SLC6A11: variants seen among roughly 807,000 people sequenced by gnomAD.
The protein encoded by SLC6A11 is sodium- and chloride-dependent GABA transporter 3.
In SLC6A11, 25 loss-of-function variants were observed where a neutral mutation model predicts 74.8. That is an observed-to-expected ratio of 0.33 (90% CI 0.24 to 0.47). The LOEUF is 0.47. Ranked by LOEUF, SLC6A11 falls within the 20% of genes least tolerant of loss-of-function variation. The pLI, the probability that SLC6A11 is intolerant of heterozygous loss-of-function variation, is 1.00. For missense variants in SLC6A11, 574 were observed against 837.0 expected (o/e 0.69, Z 3.88); for synonymous variants, 330 against 330.2 (o/e 1.00, Z 0.01).
intron 4 of SLC6A11, among the ~76,000 whole-genome samples, chr3:10,832,918 A>T (rs1380085493): frequency 6.6e-6 from 1 of 152,186 alleles, no homozygotes; most frequent in Admixed American, 6.5e-5. Flanking sequence ...TGGGTTTCCA[A>T]GCTGCTGAAG....
rs138219638 is a variant in SLC6A11, at chr3:10,847,659, C to T, written c.756+3313C>T. On this transcript the variant is annotated intron_variant, in intron 5 of 13. Coordinates refer to ENST00000254488, the MANE Select transcript of SLC6A11 (RefSeq NM_014229.3). ...GAGAGCCTGGTCCCCAGTTTCCCAGCTCGTTATTAATGATGAGGTTCTGTG... is the reference window on the plus strand; with the variant it reads ...GAGAGCCTGGTCCCCAGTTTCCCAGTTCGTTATTAATGATGAGGTTCTGTG... Among the ~76,000 whole-genome samples, 175 of 152,250 alleles carry T rather than the reference C, an allele frequency of 1.1e-3. 1 individual carries two copies. Among genetic ancestry groups the T allele is most frequent in the African/African-American group, 4.1e-3 (170 of 41,546 alleles).
intron 6 of SLC6A11, among the ~76,000 whole-genome samples, chr3:10,902,623 A>G (rs535622048): frequency 2.8e-4 from 43 of 152,350 alleles, no homozygotes; most frequent in Admixed American, 1.4e-3. Context: ...AGGGTTGCAT[A>G]GCAGTAAGCG....
intron 4 of SLC6A11, among the ~76,000 whole-genome samples, chr3:10,830,573 C>G (rs1231134050): frequency 1.3e-5 from 2 of 152,070 alleles, no homozygotes; most frequent in African/African-American, 4.8e-5. Context: ...AAAAAGTCAG[C>G]AGGTTTAGGG....
chr3:10,853,098 G>A (rs770127870), intron 5 of SLC6A11, among the ~76,000 whole-genome samples: 66 of 152,186 alleles, frequency 4.3e-4, no homozygotes, highest in Non-Finnish European at 9.0e-4. Flanking sequence ...TGGCAGTGGA[G>A]TGTCGTTACT....
Position 10,819,397 on chromosome 3 carries a change from A to G in SLC6A11, c.257-68A>G. The G allele has an allele frequency of 6.1e-6, 9 of 1,484,412 alleles. No individual in the cohort carries two copies. In the South Asian group the frequency reaches 9.1e-5, roughly 15 times the overall value. The allele number at this position is 1,484,412 out of a possible 1,614,324, so 92.0% of individuals were successfully genotyped here. A position where few individuals can be genotyped will look rare whatever the true frequency, so the allele number is the denominator to read the frequency against. On this transcript the variant is annotated intron_variant, in intron 1 of 13. Coordinates refer to ENST00000254488, the MANE Select transcript of SLC6A11 (RefSeq NM_014229.3). ...GTCTGGCCTGTAGTAGATGTTTATTAAAGAGTTCTTGAGCCAAGTATGAAT... is the reference window on the plus strand; with the variant it reads ...GTCTGGCCTGTAGTAGATGTTTATTGAAGAGTTCTTGAGCCAAGTATGAAT...
intron 6 of SLC6A11, among the ~76,000 whole-genome samples, chr3:10,889,892 C>A (rs1314672467): frequency 1.3e-5 from 2 of 152,040 alleles, no homozygotes; most frequent in Non-Finnish European, 2.9e-5. Context: ...CGCTCCCATG[C>A]CAGGGGGGAG....
At chr3:10,929,510 C>A (rs529806150) in intron 10 of SLC6A11, among the ~76,000 whole-genome samples, 171 bp downstream of exon 10, 17 of 152,232 alleles carry the variant, frequency 1.1e-4, no homozygotes, top group Non-Finnish European at 2.4e-4. Context: ...TCTCATCAGG[C>A]CCTCAGCACA....
At chr3:10,933,297 G>C (rs1231379952) in intron 11 of SLC6A11, 44 bp downstream of exon 11, 8 of 1,381,412 alleles carry the variant, frequency 5.8e-6, no homozygotes, top group Non-Finnish European at 8.3e-6. Flanking sequence ...TGCCCACCAG[G>C]TACCCAGGAT....
At chr3:10,850,257 G>A (rs1320185669) in intron 5 of SLC6A11, among the ~76,000 whole-genome samples, 2 of 152,126 alleles carry the variant, frequency 1.3e-5, no homozygotes, top group East Asian at 1.9e-4. Context: ...TTTTCTAAAG[G>A]ATCCTTAAAA....
chr3:10,855,070 A>G (rs1338858074), intron 5 of SLC6A11, among the ~76,000 whole-genome samples: 1 of 151,968 alleles, frequency 6.6e-6, no homozygotes, highest in Admixed American at 6.6e-5. Flanking sequence ...GGAGATGGGT[A>G]GGGGGGCAGT....
At chr3:10,872,803 A>G (rs571311295) in intron 5 of SLC6A11, among the ~76,000 whole-genome samples, 1 of 152,352 alleles carries the variant, frequency 6.6e-6, no homozygotes, top group Non-Finnish European at 1.5e-5. Context: ...AGGCTAACTT[A>G]GAAAGCTGGA....
At chr3:10,906,480 C>T (rs1575697433) in intron 6 of SLC6A11, among the ~76,000 whole-genome samples, 1 of 152,140 alleles carries the variant, frequency 6.6e-6, no homozygotes, top group East Asian at 1.9e-4. Context: ...TCTGAAGATC[C>T]AGCACCAGGA....
Position 10,873,991 on chromosome 3 carries a change from C to CGCTACGCTACGCTATGCTATGCTAT in SLC6A11, c.757-966_757-965insCGCTACGCTATGCTATGCTATGCTA, listed in dbSNP as rs1553671319. Among the ~76,000 whole-genome samples, 49 of 136,470 alleles carry CGCTACGCTACGCTATGCTATGCTAT rather than the reference C, an allele frequency of 3.6e-4. 1 individual carries two copies. The South Asian group carries it at 9.8e-3, about 27-fold the overall frequency. The allele number at this position is 136,470 out of a possible 152,430, so 89.5% of individuals were successfully genotyped here. On this transcript the variant is annotated intron_variant, in intron 5 of 13. Coordinates refer to ENST00000254488, the MANE Select transcript of SLC6A11 (RefSeq NM_014229.3). ...TGCTATGCTACGCTACGCTACGCTA[C>CGCTACGCTACGCTATGCTATGCTAT]GCTATGCTATGCTATGCTATGCTAT...
Position 10,926,768 on chromosome 3 carries a change from C to T in SLC6A11, c.1233+652C>T, listed in dbSNP as rs1466859321. Among the ~76,000 whole-genome samples, 1 of 152,138 alleles carries T rather than the reference C, an allele frequency of 6.6e-6. No homozygotes were observed. The highest frequency in any genetic ancestry group is 1.5e-5 in the Non-Finnish European group (1 of 68,022). ...TGTTGCCACACAGCACGCAGGCGCTCGCTTCCCGCACTGAGCACACTCCAG... is the reference window on the plus strand; with the variant it reads ...TGTTGCCACACAGCACGCAGGCGCTTGCTTCCCGCACTGAGCACACTCCAG... On this transcript the variant is annotated intron_variant, in intron 9 of 13. Transcript: ENST00000254488. The surrounding 1 kb of genome is among the most constrained non-coding windows in gnomAD (Gnocchi z 5.7).
At chr3:10,869,697 A>C (rs1000364136) in intron 5 of SLC6A11, among the ~76,000 whole-genome samples, 1 of 152,270 alleles carries the variant, frequency 6.6e-6, no homozygotes, top group Non-Finnish European at 1.5e-5. Flanking sequence ...CTCTAAGCCC[A>C]ACCCTTTCAT....
Position 10,915,316 on chromosome 3 carries a change from C to G in SLC6A11, c.996-3013C>G, listed in dbSNP as rs879862240. On this transcript the variant is annotated intron_variant, in intron 7 of 13. Transcript: ENST00000254488. This position sits in a 1 kb window ranked among gnomAD's most constrained non-coding sequence, Gnocchi z 4.3. ...TCAGCCATGGGTCCCTTCTGCTTCC[C>G]CCTCCAGCAGGCAGGTTTTATTCCA... 3.9e-5 allele frequency among the ~76,000 whole-genome samples: 6 copies of G among 152,182 alleles called. No individual in the cohort carries two copies. Among genetic ancestry groups the G allele is most frequent in the Admixed American group, 3.3e-4 (5 of 15,282 alleles).
chr3:10,852,612 C>T (rs547834165), intron 5 of SLC6A11, among the ~76,000 whole-genome samples: 2 of 152,282 alleles, frequency 1.3e-5, no homozygotes, highest in South Asian at 2.1e-4. Context: ...GTCCCAGTGG[C>T]GGGGGCTGGC....
At chr3:10,931,672 C>G (rs558252020) in intron 10 of SLC6A11, among the ~76,000 whole-genome samples, 2 of 152,234 alleles carry the variant, frequency 1.3e-5, no homozygotes, top group African/African-American at 4.8e-5. Context: ...TCTGGCCTCA[C>G]AGCTGCATTC....
chr3:10,933,026 A>G, intron 10 of SLC6A11, 125 bp from the exon 11 acceptor site: 1 of 708,528 alleles, frequency 1.4e-6, no homozygotes, highest in Non-Finnish European at 2.5e-6. Context: ...GACTAGGGAG[A>G]AACAGATTCC....
Sources: allele counts gnomAD v4.1 joint callset (sites outside exome capture counted in the v4.1 genomes callset), GRCh38; gene constraint gnomAD v4.1.1; non-coding constraint Gnocchi (gnomAD v3.1); transcripts MANE v1.5; gene names NCBI Gene and HGNC (gene_info 2026-07-23, HGNC 2026-07-21).